Variants in PP2D1 observed in about 807,000 individuals in gnomAD.
PP2D1 encodes the protein protein phosphatase 2C-like domain-containing protein 1.
In PP2D1, 25 loss-of-function variants were observed where a neutral mutation model predicts 30.2. The observed-to-expected ratio is 0.83, with a 90% CI of 0.60 to 1.16. PP2D1 has a LOEUF of 1.16. Ranked by LOEUF, PP2D1 falls within the 50% of genes most tolerant of loss-of-function variation. The probability of loss-of-function intolerance (pLI) is 0.00; values close to 1 mark genes in which losing one functional copy is unlikely to be tolerated. For synonymous variants in PP2D1, 260 were observed against 258.9 expected, an observed-to-expected ratio of 1.00 and a Z score of -0.04; for missense variants, 760 against 742.4, an observed-to-expected ratio of 1.02 and a Z score of -0.28.
At chr3:19,991,431 A>G (rs1375489077) in intron 2 of PP2D1, among the ~76,000 whole-genome samples, 2 of 152,214 alleles carry the variant, frequency 1.3e-5, no homozygotes, top group Non-Finnish European at 2.9e-5. Flanking sequence ...AAGAGAGTTT[A>G]AAGAAAGAAT....
At position 19,990,813 on chromosome 3, in the gene PP2D1, G is replaced by A. The variant is rs951206967; in HGVS notation, c.1091-4631C>T. 6.6e-5 allele frequency among the ~76,000 whole-genome samples: 10 copies of A among 150,554 alleles called. 1 individual carries two copies. In the East Asian group the frequency reaches 1.9e-3, roughly 29 times the overall value. ...TGCCCAGGCTGGAGTGCAGTGGCGCGATCTCGGCTCACTGCAAGTAGAGGA... is the reference window on the plus strand; with the variant it reads ...TGCCCAGGCTGGAGTGCAGTGGCGCAATCTCGGCTCACTGCAAGTAGAGGA... On this transcript the variant is annotated intron_variant, in intron 2 of 2. Transcript: ENST00000389050.
chr3:20,011,138 A>G (rs1697380877), intron 1 of PP2D1, among the ~76,000 whole-genome samples: 1 of 152,178 alleles, frequency 6.6e-6, no homozygotes, highest in Non-Finnish European at 1.5e-5. Context: ...GCAATATCCA[A>G]GAGAATGATC....
In PP2D1 at chr3:19,986,162, A is replaced by C. The variant is rs563909000; in HGVS notation, c.1111T>G (p.Cys371Gly). The C allele has an allele frequency of 6.6e-7, 1 of 1,506,620 alleles. No individual in the cohort carries two copies. The highest frequency in any genetic ancestry group is 1.3e-5 in the South Asian group (1 of 78,820). 93.3% of individuals were successfully genotyped at this position (1,506,620 alleles called of 1,614,324 possible). The change falls in exon 3 of 3, where the codon TGC becomes GGC. Residue 371 changes from cysteine to glycine, a missense_variant. Physicochemically the swap from Cys to Gly is radical, Grantham distance 159. Transcript: ENST00000389050. The stretch of plus-strand genomic sequence containing the variant: ...AGGCAAAAACCTTTCCCATTTCTGC[A>C]TAAGACTGCTTGCACATTACCTAAA... ...ANTGNVQAVL[C>G]RNGKGFCLTK...
At chr3:19,991,426 A>T (rs899647310) in intron 2 of PP2D1, among the ~76,000 whole-genome samples, 1 of 152,182 alleles carries the variant, frequency 6.6e-6, no homozygotes, top group Non-Finnish European at 1.5e-5. Flanking sequence ...AAAACAAGAG[A>T]GTTTAAAGAA....
downstream of PP2D1, chr3:19,983,648 G>A (rs888363615): frequency 8.9e-6 from 10 of 1,122,618 alleles, no homozygotes; most frequent in Non-Finnish European, 1.3e-5. Context: ...AGATAAGCAG[G>A]TGAAACTGAT....
At chr3:19,983,558 A>G (rs1459032227), downstream of PP2D1, 7 of 624,824 alleles carry the variant, frequency 1.1e-5, no homozygotes, top group South Asian at 1.9e-5. Flanking sequence ...TTGGCATTCA[A>G]TACTCAGTAA....
chr3:19,985,165 A>G (rs1185460754), downstream of PP2D1: 17 of 487,452 alleles, frequency 3.5e-5, no homozygotes, highest in Non-Finnish European at 6.1e-5. Flanking sequence ...ATAAAGTGGT[A>G]TAAAAAGCAA....
At position 19,985,819 on chromosome 3, in the gene PP2D1, A is replaced by G. The variant is rs1697023301; in HGVS notation, c.1454T>C (p.Ile485Thr). The G allele has an allele frequency of 3.3e-6, 5 of 1,536,026 alleles. No homozygotes were observed. ...HMYKETYCPI[I>T]PNKSPSKGPL... ...CCCTTTGGATGGTGATTTGTTAGGTATGATAGGACAGTATGTTTCTTTATA... is the reference window on the plus strand; with the variant it reads ...CCCTTTGGATGGTGATTTGTTAGGTGTGATAGGACAGTATGTTTCTTTATA... The change falls in exon 3 of 3, where the codon ATA (isoleucine) becomes ACA (threonine). Residue 485 changes from isoleucine to threonine, a missense_variant. Ile to Thr is a moderately conservative substitution (Grantham distance 89). Transcript: ENST00000389050.
At chr3:19,988,544 CTCGT>C (rs1163560504) in intron 2 of PP2D1, among the ~76,000 whole-genome samples, 1 of 152,194 alleles carries the variant, frequency 6.6e-6, no homozygotes, top group Non-Finnish European at 1.5e-5. Context: ...GTCCTGTGAT[CTCGT>C]TCTGCCCCCA....
chr3:19,990,684 A>G (rs1697107853), intron 2 of PP2D1, among the ~76,000 whole-genome samples: 1 of 152,034 alleles, frequency 6.6e-6, no homozygotes, highest in South Asian at 2.1e-4. Flanking sequence ...GTCAAGTGCT[A>G]TATTAAACTG....
At chr3:19,986,664 C>A (rs1697040735) in intron 2 of PP2D1, among the ~76,000 whole-genome samples, 1 of 152,148 alleles carries the variant, frequency 6.6e-6, no homozygotes, top group African/African-American at 2.4e-5. Context: ...ATACTTAGGT[C>A]ATGGGTGATG....
intron 1 of PP2D1, among the ~76,000 whole-genome samples, chr3:20,007,169 GGCCCTCC>G (rs1697329336): frequency 6.6e-6 from 1 of 151,844 alleles, no homozygotes; most frequent in Non-Finnish European, 1.5e-5. Context: ...ACCGCACCCG[GGCCCTCC>G]TGTATACTTT....
intron 2 of PP2D1, among the ~76,000 whole-genome samples, chr3:19,997,373 T>C (rs1045082128): frequency 6.6e-6 from 1 of 151,508 alleles, no homozygotes; most frequent in African/African-American, 2.4e-5. Context: ...CTCAACAAAT[T>C]AGGCATAGAA....
intron 2 of PP2D1, among the ~76,000 whole-genome samples, chr3:19,995,849 A>C (rs1375805397): frequency 6.6e-6 from 1 of 152,220 alleles, no homozygotes; most frequent in Admixed American, 6.5e-5. Context: ...TGGAAATTAA[A>C]CAACATGCTC....
chr3:19,989,651 T>C (rs1054920601), intron 2 of PP2D1, among the ~76,000 whole-genome samples: 3 of 152,218 alleles, frequency 2.0e-5, no homozygotes, highest in Admixed American at 6.5e-5. Flanking sequence ...GAAGTGGCAC[T>C]TAATGTGACA....
chr3:19,985,579 T>C lies in PP2D1; in HGVS notation c.1694A>G (p.Glu565Gly), dbSNP rs922480641. 3.9e-6 allele frequency: 6 copies of C among 1,536,108 alleles called. No homozygotes were observed. In the South Asian group the frequency reaches 7.1e-5, roughly 18 times the overall value. The change falls in exon 3 of 3, where the codon GAA (glutamate) becomes GGA (glycine). Residue 565 changes from glutamate to glycine, a missense_variant. Glu to Gly is a moderately conservative substitution (Grantham distance 98, BLOSUM62 -2). Around this residue, in one of 3 missense-constraint regions of PP2D1, gnomAD observed 369 missense variants for 316.2 expected, o/e 1.17. Coordinates refer to ENST00000389050, the MANE Select transcript of PP2D1 (RefSeq NM_001252657.2). ...AETTHRKPCS[E>G]KVTDRPTSVN... ...ACTAGTTGGTCTGTCAGTTACTTTT[T>C]CACTGCAAGGTTTACGATGAGTCGT...
downstream of PP2D1, among the ~76,000 whole-genome samples, chr3:19,981,161 A>G (rs890344930): frequency 3.9e-5 from 6 of 152,272 alleles, no homozygotes; most frequent in Middle Eastern, 0.01. Flanking sequence ...TAGCACATCA[A>G]GGATCTTATG....
chr3:19,999,179 A>G (rs1451386441), intron 2 of PP2D1, among the ~76,000 whole-genome samples: 2 of 138,386 alleles, frequency 1.4e-5, no homozygotes, highest in Admixed American at 7.2e-5. Flanking sequence ...TCCTGGGTTC[A>G]CACCATTCTC....
At chr3:19,992,660 T>C (rs1042449512) in intron 2 of PP2D1, among the ~76,000 whole-genome samples, 12 of 152,200 alleles carry the variant, frequency 7.9e-5, no homozygotes, top group African/African-American at 2.7e-4. Flanking sequence ...AGAAAGCTAG[T>C]ACTGTTCATT....
Sources: allele counts gnomAD v4.1 joint callset (sites outside exome capture counted in the v4.1 genomes callset), GRCh38; gene constraint gnomAD v4.1.1; regional missense constraint gnomAD v4.1.1; transcripts MANE v1.5; gene names NCBI Gene and HGNC (gene_info 2026-07-23, HGNC 2026-07-21).